OR7E24: variants seen among roughly 807,000 people sequenced by gnomAD.
The protein encoded by OR7E24 is olfactory receptor family 7 subfamily E member 24.
For missense variants in OR7E24, 385 were observed against 410.3 expected, an observed-to-expected ratio of 0.94 and a Z score of 0.53; for synonymous variants, 130 against 157.5, an observed-to-expected ratio of 0.83 and a Z score of 1.31.
the OR7E24 span, among the ~76,000 whole-genome samples, chr19:9,237,456 G>GC: frequency 1.3e-5 from 2 of 151,566 alleles, no homozygotes; most frequent in African/African-American, 2.4e-5. Flanking sequence ...GACTACAGGC[G>GC]CCCCCCACCA....
At chr19:9,250,786 GC>G (rs999070504), upstream of OR7E24, 11 of 303,218 alleles carry the variant, frequency 3.6e-5, no homozygotes, top group Non-Finnish European at 6.7e-5. Flanking sequence ...GATAAATTAG[GC>G]TATATTTTAC....
the OR7E24 span, chr19:9,213,041 G>C: frequency 6.6e-6 from 1 of 152,208 alleles, no homozygotes; most frequent in Non-Finnish European, 1.5e-5. Flanking sequence ...TGCAGTGAAT[G>C]AGACAAAATT....
At chr19:9,221,238 C>A in the OR7E24 span, among the ~76,000 whole-genome samples, 136 of 148,704 alleles carry the variant, frequency 9.1e-4, no homozygotes, top group Middle Eastern at 3.5e-3. Context: ...CGCCACTGCA[C>A]TCCAGCCTGG....
the OR7E24 span, among the ~76,000 whole-genome samples, chr19:9,219,991 G>A: frequency 6.6e-6 from 1 of 151,788 alleles, no homozygotes; most frequent in East Asian, 1.9e-4. Flanking sequence ...TGGATCCCTC[G>A]GTGTTGAAAA....
At chr19:9,231,977 G>A in the OR7E24 span, among the ~76,000 whole-genome samples, 1 of 152,122 alleles carries the variant, frequency 6.6e-6, no homozygotes, top group African/African-American at 2.4e-5. Context: ...TAATGATACA[G>A]GAGCTAAAAA....
chr19:9,214,973 C>A, the OR7E24 span: 1 of 603,724 alleles, frequency 1.7e-6, no homozygotes. Flanking sequence ...CTTACAAAGA[C>A]AATGAATCTC....
chr19:9,209,869 A>G, the OR7E24 span: 44,510 of 151,872 alleles, frequency 0.29, 12,429 homozygotes, highest in African/African-American at 0.74. Flanking sequence ...TGGTCAGGCT[A>G]ATCTCGAACT....
chr19:9,248,490 T>TC (rs943832651), upstream of OR7E24, among the ~76,000 whole-genome samples: 3 of 151,754 alleles, frequency 2.0e-5, no homozygotes, highest in Admixed American at 6.6e-5. Flanking sequence ...CATCCAACCT[T>TC]CCCCCCCTCG....
upstream of OR7E24, among the ~76,000 whole-genome samples, chr19:9,245,077 G>C (rs141696232): frequency 6.6e-6 from 1 of 151,870 alleles, no homozygotes; most frequent in Non-Finnish European, 1.5e-5. Context: ...ATTAGCGGGC[G>C]GGTGGCCTGC....
chr19:9,215,085 C>A, the OR7E24 span, among the ~76,000 whole-genome samples: 1 of 152,120 alleles, frequency 6.6e-6, no homozygotes, highest in Non-Finnish European at 1.5e-5. Context: ...TGGCTCACGC[C>A]TGTAATCCCA....
At chr19:9,216,499 T>C in the OR7E24 span, among the ~76,000 whole-genome samples, 1 of 152,324 alleles carries the variant, frequency 6.6e-6, no homozygotes, top group South Asian at 2.1e-4. Context: ...TGTGGGAATA[T>C]TGAAGAGTGA....
At chr19:9,235,937 C>T in the OR7E24 span, 1 of 1,609,124 alleles carries the variant, frequency 6.2e-7, no homozygotes. Context: ...TCTGCTGTGA[C>T]CCATTCTTCC....
the OR7E24 span, among the ~76,000 whole-genome samples, chr19:9,223,644 C>T: frequency 6.6e-6 from 1 of 151,914 alleles, no homozygotes; most frequent in Admixed American, 6.6e-5. Context: ...TGTCCCTGAA[C>T]TTGGCTATAA....
the OR7E24 span, among the ~76,000 whole-genome samples, chr19:9,220,587 C>G: frequency 0.038 from 5,837 of 152,242 alleles, 353 homozygotes; most frequent in African/African-American, 0.13. Context: ...TGTATATATA[C>G]TACATTTTCT....
chr19:9,248,457 G>A (rs1175502745), upstream of OR7E24, among the ~76,000 whole-genome samples: 2 of 152,306 alleles, frequency 1.3e-5, no homozygotes, highest in Non-Finnish European at 2.9e-5. Context: ...CAGACACATA[G>A]CATTTGGCCA....
At chr19:9,247,054 T>G (rs905146454), upstream of OR7E24, among the ~76,000 whole-genome samples, 1 of 152,188 alleles carries the variant, frequency 6.6e-6, no homozygotes, top group Non-Finnish European at 1.5e-5. Flanking sequence ...AATTTTAACA[T>G]TTATATGCAA....
the OR7E24 span, among the ~76,000 whole-genome samples, chr19:9,222,000 TG>T: frequency 7.7e-3 from 1,176 of 152,336 alleles, 19 homozygotes; most frequent in African/African-American, 0.026. Flanking sequence ...TCGTATATAG[TG>T]TGAAGTAAAT....
At chr19:9,246,398 T>C (rs1347294494), upstream of OR7E24, among the ~76,000 whole-genome samples, 1 of 152,020 alleles carries the variant, frequency 6.6e-6, no homozygotes, top group Non-Finnish European at 1.5e-5. Context: ...ATTTGCTTAT[T>C]ATATCATTTG....
chr19:9,252,198 C>A lies in OR7E24; in HGVS notation c.*135C>A. 1 of 680,936 alleles carries A rather than the reference C, an allele frequency of 1.5e-6. No individual in the cohort carries two copies. Among genetic ancestry groups the A allele is most frequent in the Non-Finnish European group, 2.4e-6 (1 of 408,672 alleles). 42.2% of individuals were successfully genotyped at this position (680,936 alleles called of 1,614,324 possible). ...GCTTGCTTTGTTTTGTCTTTAATTG[C>A]AATGGGTGAGTATTCTGGTATCCTT... On this transcript the variant is annotated 3_prime_UTR_variant, in exon 1 of 1. Transcript: ENST00000456448.
Sources: gnomAD v4.1 joint callset for allele counts (sites outside exome capture counted in the v4.1 genomes callset) on GRCh38, gnomAD v4.1.1 for gene constraint, MANE v1.5 for transcripts, NCBI Gene and HGNC (gene_info 2026-07-23, HGNC 2026-07-21) for gene names.